The following DACH2 variants were observed in gnomAD, a reference collection of about 807,000 sequenced individuals.
The protein encoded by DACH2 is dachshund family transcription factor 2.
DACH2 carries 17 observed loss-of-function variants against 35.8 expected under a neutral mutation model. The ratio of observed to expected loss-of-function variants is 0.48; its 90% confidence interval spans 0.33 to 0.71. DACH2 has a LOEUF of 0.71. Ranked by LOEUF, DACH2 falls within the 30% of genes least tolerant of loss-of-function variation. The probability of loss-of-function intolerance (pLI) is 0.02; values close to 1 mark genes in which losing one functional copy is unlikely to be tolerated. For missense variants in DACH2, 469 were observed against 472.7 expected (o/e 0.99, Z 0.07); for synonymous variants, 195 against 177.3 (o/e 1.10, Z -0.79).
chrX:86,761,335 G>A (rs914626734), intron 7 of DACH2, among the ~76,000 whole-genome samples: 2 of 111,576 alleles, frequency 1.8e-5, no homozygotes, highest in Admixed American at 9.5e-5. Flanking sequence ...GAGGACGATG[G>A]TTTCCAGCTT....
chrX:86,317,243 G>T (rs1194238447), intron 1 of DACH2, among the ~76,000 whole-genome samples: 1 of 111,598 alleles, frequency 9.0e-6, no homozygotes, highest in Non-Finnish European at 1.9e-5. Flanking sequence ...CATTTAGATG[G>T]TTTGTGTTGT....
chrX:86,350,036 C>T (rs949663946), intron 1 of DACH2, among the ~76,000 whole-genome samples: 4 of 111,150 alleles, frequency 3.6e-5, no homozygotes, highest in Admixed American at 9.6e-5. Flanking sequence ...TGCCTGATGG[C>T]GCATGCCTGT....
chrX:86,707,912 TA>T (rs56293403), intron 5 of DACH2, among the ~76,000 whole-genome samples: 53 of 34,544 alleles, frequency 1.5e-3, no homozygotes, highest in Middle Eastern at 0.014. Flanking sequence ...AGACTCCATC[TA>T]AAAAAAAAAA....
At chrX:86,347,588 T>A (rs1209926097) in intron 1 of DACH2, among the ~76,000 whole-genome samples, 2 of 112,851 alleles carry the variant, frequency 1.8e-5, no homozygotes, top group Non-Finnish European at 3.7e-5. Context: ...TAGAGCTCAT[T>A]TTCTCATTAT....
rs998793159 is a variant in DACH2 at position 86,297,939 on chromosome X, C to T, written c.489-78885C>T. On this transcript the variant is annotated intron_variant, in intron 1 of 11. Transcript: ENST00000373125. Reference sequence around the variant, plus strand: ...TCAGGGAAATTGGGATGTATAGTTACTCTAAGAATGACATATAAAACTTGA... The same window carrying T: ...TCAGGGAAATTGGGATGTATAGTTATTCTAAGAATGACATATAAAACTTGA... 2.7e-5 allele frequency among the ~76,000 whole-genome samples: 3 copies of T among 111,626 alleles called. No individual in the cohort carries two copies. In the Admixed American group the frequency reaches 2.9e-4, roughly 11 times the overall value.
chrX:86,428,955 A>G (rs971436673), intron 2 of DACH2, among the ~76,000 whole-genome samples: 19 of 111,217 alleles, frequency 1.7e-4, no homozygotes, highest in African/African-American at 6.2e-4. Flanking sequence ...ACACGATTTA[A>G]TTCTCTCTTT....
At chrX:86,302,447 G>A (rs1444911050) in intron 1 of DACH2, among the ~76,000 whole-genome samples, 2 of 111,631 alleles carry the variant, frequency 1.8e-5, no homozygotes, top group Non-Finnish European at 3.8e-5. Context: ...TGGGGTAACA[G>A]ATGACCTTTT....
intron 2 of DACH2, among the ~76,000 whole-genome samples, chrX:86,440,012 G>T (rs1157562530): frequency 5.4e-5 from 6 of 111,171 alleles, no homozygotes; most frequent in Non-Finnish European, 1.1e-4. Context: ...ATTTAAAATT[G>T]TTCAGGGTTT....
In DACH2 at chrX:86,278,500, C is replaced by A. The variant is rs1053682183; in HGVS notation, c.489-98324C>A. ...TTATGCTACAGGAAAAAACAAACTT[C>A]TCATTGGCAAAAATGTGTTGATTGT... On this transcript the variant is annotated intron_variant, in intron 1 of 11. Coordinates refer to ENST00000373125, the MANE Select transcript of DACH2 (RefSeq NM_053281.3). 4.5e-5 allele frequency among the ~76,000 whole-genome samples: 5 copies of A among 112,242 alleles called. No individual in the cohort carries two copies. In the Admixed American group the frequency reaches 4.7e-4, roughly 11 times the overall value.
intron 1 of DACH2, among the ~76,000 whole-genome samples, chrX:86,272,028 C>T (rs2033821987): frequency 9.0e-6 from 1 of 111,538 alleles, no homozygotes; most frequent in South Asian, 3.7e-4. Context: ...TTATTCCACA[C>T]TTTGTGACCA....
chrX:86,315,197 A>G (rs2148029203), intron 1 of DACH2, among the ~76,000 whole-genome samples: 1 of 111,995 alleles, frequency 8.9e-6, no homozygotes, highest in South Asian at 3.8e-4. Flanking sequence ...AATATGCTAA[A>G]TCTACTCTGC....
rs779729813 is a variant in DACH2, at chrX:86,282,959, TAGTAG to T, written c.489-93862_489-93858del. Among the ~76,000 whole-genome samples the T allele has an allele frequency of 7.5e-3, 320 of 42,506 alleles. 107 individuals are homozygous for T. Among genetic ancestry groups the T allele is most frequent in the Non-Finnish European group, 9.5e-3 (268 of 28,173 alleles). 36.9% of individuals were successfully genotyped at this position (42,506 alleles called of 115,157 possible). ...CGCCCGGCTAATTTTTTGTATTTTT[TAGTAG>T]AGACGGGGTTTCACCGCTTTAGCCG... On this transcript the variant is annotated intron_variant, in intron 1 of 11. Transcript: ENST00000373125.
At chrX:86,244,972 C>A (rs1423519100) in intron 1 of DACH2, among the ~76,000 whole-genome samples, 2 of 111,432 alleles carry the variant, frequency 1.8e-5, no homozygotes, top group East Asian at 5.6e-4. Context: ...GATATGCAGT[C>A]TTTATTATTT....
chrX:86,537,863 G>T (rs1411028989), intron 3 of DACH2, among the ~76,000 whole-genome samples: 1 of 111,207 alleles, frequency 9.0e-6, no homozygotes, highest in African/African-American at 3.3e-5. Context: ...AGTGAAAATG[G>T]CCGGTTCCTG....
rs112064187 is a variant in DACH2, at chrX:86,206,942, T to C, written c.488+57834T>C. ...ATTGGGTAAGCACCTTAAATCTTTT[T>C]TGTAATACATTTTTAAATTGATAAT... On this transcript the variant is annotated intron_variant, in intron 1 of 11. Transcript: ENST00000373125. 8.7e-3 allele frequency among the ~76,000 whole-genome samples: 974 copies of C among 111,917 alleles called. 6 individuals carry two copies. Among genetic ancestry groups the C allele is most frequent in the African/African-American group, 0.03 (925 of 30,822 alleles).
At chrX:86,406,765 A>G (rs1270686567) in intron 2 of DACH2, among the ~76,000 whole-genome samples, 8 of 112,529 alleles carry the variant, frequency 7.1e-5, no homozygotes, top group African/African-American at 2.6e-4. Context: ...CAGCAGAAAC[A>G]GAATATGCAT....
At chrX:86,543,494 C>A (rs1445899906) in intron 3 of DACH2, among the ~76,000 whole-genome samples, 4 of 110,221 alleles carry the variant, frequency 3.6e-5, no homozygotes, top group Admixed American at 1.9e-4. Flanking sequence ...GGCTAAAATG[C>A]TAAAAATAGA....
At chrX:86,576,288 T>C (rs1294063544) in intron 3 of DACH2, among the ~76,000 whole-genome samples, 1 of 111,997 alleles carries the variant, frequency 8.9e-6, no homozygotes, top group Non-Finnish European at 1.9e-5. Flanking sequence ...ACAAAGGAGA[T>C]ATGTGAATGC....
rs185917519 is a variant in DACH2 at position 86,765,801 on chromosome X, T to A, written c.1240+25919T>A. Among the ~76,000 whole-genome samples, 12 of 93,119 alleles carry A rather than the reference T, an allele frequency of 1.3e-4. No individual in the cohort carries two copies. The Admixed American group carries it at 1.3e-3, about 10-fold the overall frequency. 80.9% of individuals were successfully genotyped at this position (93,119 alleles called of 115,157 possible). Reference sequence around the variant, plus strand: ...TTCTCTTATTCTGTTAAAAATGGCATTTTTTTTTATACCACAGTGTTGAAT... The same window carrying A: ...TTCTCTTATTCTGTTAAAAATGGCAATTTTTTTTATACCACAGTGTTGAAT... On this transcript the variant is annotated intron_variant, in intron 7 of 11. Coordinates refer to ENST00000373125, the MANE Select transcript of DACH2 (RefSeq NM_053281.3).
Sources: allele counts gnomAD v4.1 joint callset (sites outside exome capture counted in the v4.1 genomes callset), GRCh38; gene constraint gnomAD v4.1.1; transcripts MANE v1.5; gene names NCBI Gene and HGNC (gene_info 2026-07-23, HGNC 2026-07-21).